Variants in RAB1B observed in about 807,000 individuals in gnomAD.
RAB1B encodes the protein ras-related protein Rab-1B.
RAB1B carries 10 observed loss-of-function variants against 24.8 expected under a neutral mutation model. The ratio of observed to expected loss-of-function variants is 0.40; its 90% CI spans 0.25 to 0.68. The LOEUF (loss-of-function observed/expected upper bound fraction) is 0.68, where lower values mean the gene tolerates loss of function less well. RAB1B is among the 30% of genes least tolerant of loss of function. RAB1B has a pLI of 0.37. For synonymous variants in RAB1B, 99 were observed against 111.7 expected (o/e 0.89, Z 0.72); for missense variants, 154 against 271.2 (o/e 0.57, Z 3.04).
Position 66,271,779 on chromosome 11 carries a change from C to T in RAB1B, c.15-18C>T. ...GGCTCCCTGCCTCCCTTCACGCCTT[C>T]CCATCTTCTCTCTCCAGTGACTACC... On this transcript the variant is annotated intron_variant, in intron 1 of 5. Transcript: ENST00000311481. 6.2e-7 allele frequency: 1 copy of T among 1,609,304 alleles called. No individual in the cohort carries two copies. Among genetic ancestry groups the T allele is most frequent in the Non-Finnish European group, 8.5e-7 (1 of 1,175,642 alleles).
intron 1 of RAB1B, among the ~76,000 whole-genome samples, chr11:66,269,022 G>A (rs1039632342): frequency 1.3e-5 from 2 of 152,034 alleles, no homozygotes; most frequent in Non-Finnish European, 1.5e-5. Flanking sequence ...TTCCCCACCT[G>A]CTGCTTGACA....
chr11:66,275,982 T>G, intron 5 of RAB1B, 47 bp downstream of exon 5: 1 of 1,607,174 alleles, frequency 6.2e-7, no homozygotes, highest in Non-Finnish European at 8.5e-7. Flanking sequence ...TGGGGCCTGC[T>G]GCCCCTCACC....
chr11:66,275,491 G>A (rs2298468), intron 4 of RAB1B, among the ~76,000 whole-genome samples: 26,894 of 152,118 alleles, frequency 0.18, 2,463 homozygotes, highest in East Asian at 0.27. Context: ...CTTCTCACAT[G>A]TGGTTAGGGC....
intron 4 of RAB1B, among the ~76,000 whole-genome samples, chr11:66,273,275 G>T (rs1025206395): frequency 6.6e-6 from 1 of 152,208 alleles, no homozygotes; most frequent in Non-Finnish European, 1.5e-5. Flanking sequence ...TGTCTGAGGA[G>T]CAGCCGGGCT....
chr11:66,272,654 C>A, intron 4 of RAB1B, 194 bp downstream of exon 4: 1 of 440,260 alleles, frequency 2.3e-6, no homozygotes, highest in Non-Finnish European at 4.1e-6. Context: ...AGGGAAACAG[C>A]CACAGAAATG....
rs375965398 is a variant in RAB1B at position 66,276,172 on chromosome 11, G to T, written c.540G>T (p.Gly180=). 5.0e-6 allele frequency: 8 copies of T among 1,609,636 alleles called. No homozygotes were observed. The highest frequency in any genetic ancestry group is 5.9e-6 in the Non-Finnish European group (7 of 1,178,802). ...KKRMGPGAAS[G]GERPNLKIDS... Reference sequence around the variant, plus strand: ...GGATGGGGCCTGGAGCAGCCTCTGGGGGCGAGCGGCCCAATCTCAAGATCG... The same window carrying T: ...GGATGGGGCCTGGAGCAGCCTCTGGTGGCGAGCGGCCCAATCTCAAGATCG... Residue 180 remains glycine, a synonymous_variant, in exon 6 of 6, where the codon GGG becomes GGT. Transcript: ENST00000311481.
rs1457000103 is a variant in RAB1B at position 66,277,425 on chromosome 11, G to A, written c.*1187G>A. 3 of 152,460 alleles carry A rather than the reference G, an allele frequency of 2.0e-5. No individual in the cohort carries two copies. The highest frequency in any genetic ancestry group is 4.4e-5 in the Non-Finnish European group (3 of 68,060). The allele number at this position is 152,460 out of a possible 1,614,324, so 9.4% of individuals were successfully genotyped here. ...AAGGAAAAGCCACTTGGGGAAAGAT[G>A]GAAAAGGACAAAAAAAATTAATAAA... On this transcript the variant is annotated 3_prime_UTR_variant, in exon 6 of 6. Coordinates refer to ENST00000311481, the MANE Select transcript of RAB1B (RefSeq NM_030981.3).
chr11:66,274,044 A>C (rs1310537727), intron 4 of RAB1B, among the ~76,000 whole-genome samples: 4 of 152,056 alleles, frequency 2.6e-5, no homozygotes, highest in Non-Finnish European at 5.9e-5. Flanking sequence ...GTGTGATCAT[A>C]GCTCATTGTA....
intron 1 of RAB1B, among the ~76,000 whole-genome samples, 198 bp downstream of exon 1, chr11:66,268,891 C>T (rs1003500020): frequency 1.4e-5 from 2 of 146,284 alleles, no homozygotes; most frequent in African/African-American, 2.5e-5. Context: ...AACCCCGAGC[C>T]CTCGCACCCG....
intron 4 of RAB1B, 78 bp from the exon 5 acceptor site, chr11:66,275,726 T>C: frequency 6.7e-7 from 1 of 1,485,006 alleles, no homozygotes; most frequent in Non-Finnish European, 9.0e-7. Context: ...ACTGTTCCCC[T>C]CAGAGAAGGT....
At chr11:66,274,476 CTA>C (rs1319514730) in intron 4 of RAB1B, among the ~76,000 whole-genome samples, 1 of 152,188 alleles carries the variant, frequency 6.6e-6, no homozygotes, top group Non-Finnish European at 1.5e-5. Context: ...AGTGGTCTGA[CTA>C]AATCCTGTGT....
chr11:66,273,995 C>T (rs1258490724), intron 4 of RAB1B, among the ~76,000 whole-genome samples: 2 of 152,096 alleles, frequency 1.3e-5, no homozygotes, highest in Admixed American at 6.6e-5. Context: ...TATTTTAAGA[C>T]ATGGGGTCTC....
intron 4 of RAB1B, among the ~76,000 whole-genome samples, chr11:66,274,882 C>T (rs1188715146): frequency 6.6e-6 from 1 of 151,778 alleles, no homozygotes; most frequent in Non-Finnish European, 1.5e-5. Flanking sequence ...CATGCTGGCT[C>T]CCCAGCTGGC....
chr11:66,268,763 G>C, intron 1 of RAB1B, 70 bp downstream of exon 1: 1 of 1,481,302 alleles, frequency 6.8e-7, no homozygotes. Flanking sequence ...GCTTACCGGG[G>C]TTGTCTGGCC....
At position 66,272,248 on chromosome 11, in the gene RAB1B, A is replaced by C; in HGVS notation, c.179A>C (p.Gln60Pro). 6.2e-7 allele frequency: 1 copy of C among 1,613,186 alleles called. No individual in the cohort carries two copies. Among genetic ancestry groups the C allele is most frequent in the Non-Finnish European group, 8.5e-7 (1 of 1,179,118 alleles). The stretch of plus-strand genomic sequence containing the variant: ...CTGGATGGCAAAACTATCAAACTTC[A>C]GATCGTGAGTGTCGCTCTTCCCAAA... ...IELDGKTIKLQIWDTAGQERF... is the reference protein window; with the variant it reads ...IELDGKTIKLPIWDTAGQERF... The change falls in exon 3 of 6, where the codon CAG (glutamine) becomes CCG (proline). Residue 60 changes from glutamine to proline, a missense_variant. By Grantham distance (76) the Gln-to-Pro change is moderately conservative. Transcript: ENST00000311481.
intron 3 of RAB1B, 33 bp from the exon 4 acceptor site, chr11:66,272,332 A>C: frequency 6.2e-7 from 1 of 1,609,122 alleles, no homozygotes; most frequent in Non-Finnish European, 8.5e-7. Flanking sequence ...TCTGGACCTC[A>C]GCTGACCTGC....
At chr11:66,274,454 G>A (rs1857109557) in intron 4 of RAB1B, among the ~76,000 whole-genome samples, 4 of 152,154 alleles carry the variant, frequency 2.6e-5, no homozygotes, top group Admixed American at 2.0e-4. Context: ...GCTGAGCCAG[G>A]CCTTCAGCAG....
chr11:66,268,678 C>T lies in RAB1B; in HGVS notation c.-2C>T, dbSNP rs1260964923. ...GCGACCGAGCGGGCCGCCGCCGCCG[C>T]CATGAACCCCGAATAGTGAGTGAGC... is the stretch of plus-strand genomic sequence containing the variant. On this transcript the variant is annotated 5_prime_UTR_variant, in exon 1 of 6. Transcript: ENST00000311481. 2 of 1,570,102 alleles carry T rather than the reference C, an allele frequency of 1.3e-6. No homozygotes were observed. Among genetic ancestry groups the T allele is most frequent in the South Asian group, 1.2e-5 (1 of 84,670 alleles).
chr11:66,272,519 C>T (rs906143132), intron 4 of RAB1B, 59 bp downstream of exon 4: 3 of 1,079,784 alleles, frequency 2.8e-6, no homozygotes, highest in Non-Finnish European at 4.1e-6. Context: ...TTTGACTCTT[C>T]TTTTTCCTCC....
Sources: allele counts gnomAD v4.1 joint callset (sites outside exome capture counted in the v4.1 genomes callset), GRCh38; gene constraint gnomAD v4.1.1; transcripts MANE v1.5; gene names NCBI Gene and HGNC (gene_info 2026-07-23, HGNC 2026-07-21).